ERBB4: variants seen among roughly 807,000 people sequenced by gnomAD.
ERBB4 encodes the protein erb-b2 receptor tyrosine kinase 4, also known as receptor tyrosine-protein kinase erbB-4.
ERBB4 carries 42 observed loss-of-function variants against 158.0 expected under a neutral mutation model. The ratio of observed to expected loss-of-function variants is 0.27; its 90% CI spans 0.21 to 0.34. The LOEUF (loss-of-function observed/expected upper bound fraction) is 0.34. Ranked by LOEUF, ERBB4 falls within the 10% of genes least tolerant of loss-of-function variation. The probability of loss-of-function intolerance (pLI) is 1.00; values close to 1 mark genes in which losing one functional copy is unlikely to be tolerated. For synonymous variants in ERBB4, 583 were observed against 558.7 expected, an observed-to-expected ratio of 1.04 and a Z score of -0.61; for missense variants, 1,333 against 1,624.1, an observed-to-expected ratio of 0.82 and a Z score of 3.08.
At chr2:212,305,438 T>C (rs542755433) in intron 1 of ERBB4, among the ~76,000 whole-genome samples, 62 of 151,436 alleles carry the variant, frequency 4.1e-4, no homozygotes, top group African/African-American at 1.4e-3. Context: ...GTCAAGATTG[T>C]ACAGAAAAAT....
chr2:211,777,977 A>C (rs1393159810), intron 4 of ERBB4: 4 of 152,298 alleles, frequency 2.6e-5, no homozygotes, highest in African/African-American at 9.6e-5. Context: ...GTTGAACGCA[A>C]ATAAACCACT....
chr2:212,278,715 T>C (rs1038621619), intron 1 of ERBB4, among the ~76,000 whole-genome samples: 5 of 151,638 alleles, frequency 3.3e-5, no homozygotes, highest in Non-Finnish European at 7.4e-5. Context: ...AGCTAGTATT[T>C]TAGAATGAAG....
chr2:212,507,281 C>T (rs956082648), intron 1 of ERBB4, among the ~76,000 whole-genome samples: 1 of 151,868 alleles, frequency 6.6e-6, no homozygotes, highest in Non-Finnish European at 1.5e-5. Context: ...AAAGAGTTCT[C>T]GTGGAGATCT....
chr2:212,001,707 G>A (rs1365575500), intron 2 of ERBB4, among the ~76,000 whole-genome samples: 3 of 152,166 alleles, frequency 2.0e-5, no homozygotes, highest in African/African-American at 7.2e-5. Flanking sequence ...ACTCCAAAGT[G>A]ATGGCAAGAA....
intron 24 of ERBB4, among the ~76,000 whole-genome samples, chr2:211,421,298 T>C (rs2063509516): frequency 6.6e-6 from 1 of 151,896 alleles, no homozygotes; most frequent in African/African-American, 2.4e-5. Context: ...TTTATCTTTA[T>C]GTCAGACTGT....
rs114549065 is a variant in ERBB4, at chr2:212,508,302, A to C, written c.82+30147T>G. ...GGTGGTCTGAAACTGAATCTGCAAT[A>C]TCTCTTAGGTATGCCTTCATATTAT... On this transcript the variant is annotated intron_variant, in intron 1 of 27. Transcript: ENST00000342788. Among the ~76,000 whole-genome samples the C allele has an allele frequency of 5.7e-3, 863 of 152,286 alleles. 4 individuals are homozygous for C. Among genetic ancestry groups the C allele is most frequent in the African/African-American group, 0.02 (819 of 41,548 alleles).
At chr2:212,351,181 A>T (rs1247533322) in intron 1 of ERBB4, among the ~76,000 whole-genome samples, 1 of 152,122 alleles carries the variant, frequency 6.6e-6, no homozygotes, top group Non-Finnish European at 1.5e-5. Context: ...GTGTCCTTAT[A>T]AGGAGAAGAA....
chr2:211,993,596 A>G (rs2082130250), intron 2 of ERBB4, among the ~76,000 whole-genome samples: 3 of 151,734 alleles, frequency 2.0e-5, no homozygotes, highest in South Asian at 4.2e-4. Flanking sequence ...TTCATCCTAG[A>G]TAAGATATAT....
At chr2:211,773,624 AT>A (rs1410311064) in intron 4 of ERBB4, among the ~76,000 whole-genome samples, 34 of 73,902 alleles carry the variant, frequency 4.6e-4, no homozygotes, top group African/African-American at 1.0e-3. Flanking sequence ...ATATATATAT[AT>A]ATATATATAT....
intron 6 of ERBB4, among the ~76,000 whole-genome samples, chr2:211,724,360 T>A (rs572772196): frequency 1.7e-3 from 257 of 151,550 alleles, no homozygotes; most frequent in African/African-American, 4.4e-3. Context: ...TTTTTTTTTT[T>A]TAAAAAAAGC....
At chr2:211,535,589 A>ATGTATGTGTGTGTG (rs1553561683) in intron 20 of ERBB4, 4 of 144,834 alleles carry the variant, frequency 2.8e-5, no homozygotes, top group African/African-American at 1.0e-4. Context: ...GAGAGAGTGT[A>ATGTATGTGTGTGTG]TGTGTGTGTG....
chr2:211,687,237 G>A (rs1197280851), intron 12 of ERBB4, among the ~76,000 whole-genome samples: 2 of 150,642 alleles, frequency 1.3e-5, no homozygotes, highest in Non-Finnish European at 3.0e-5. Context: ...CCCAGGAGGC[G>A]GAGCTTGCAG....
chr2:212,329,706 A>G (rs2088039694), intron 1 of ERBB4, among the ~76,000 whole-genome samples: 1 of 152,078 alleles, frequency 6.6e-6, no homozygotes, highest in Non-Finnish European at 1.5e-5. Context: ...TAAAACAGTG[A>G]TTTAACCTGT....
intron 19 of ERBB4, among the ~76,000 whole-genome samples, chr2:211,573,729 T>G (rs1161043721): frequency 6.6e-6 from 1 of 151,942 alleles, no homozygotes; most frequent in African/African-American, 2.4e-5. Context: ...TTTCAGAAGC[T>G]ACAGGAAACA....
chr2:211,960,491 A>T (rs191747583), intron 2 of ERBB4: 19 of 152,246 alleles, frequency 1.2e-4, no homozygotes, highest in Admixed American at 1.0e-3. Flanking sequence ...CTTTTCCTTT[A>T]TGAGTTGTAA....
chr2:211,817,309 A>C (rs1439249), intron 3 of ERBB4, among the ~76,000 whole-genome samples: 151,967 of 152,252 alleles, frequency 1, 75,846 homozygotes, highest in Middle Eastern at 1. Flanking sequence ...GGAAACCTTT[A>C]CATTTGGAGC....
chr2:212,227,074 C>T (rs10084370), intron 1 of ERBB4, among the ~76,000 whole-genome samples: 13,118 of 151,836 alleles, frequency 0.086, 1,744 homozygotes, highest in African/African-American at 0.29. Context: ...GGTGAAACCC[C>T]ATCTCTACTA....
rs2078973290 is a variant in ERBB4 at position 211,891,699 on chromosome 2, A to C, written c.421+55731T>G. 2.9e-5 allele frequency among the ~76,000 whole-genome samples: 4 copies of C among 135,812 alleles called. No individual in the cohort carries two copies. In the South Asian group the frequency reaches 9.4e-4, roughly 32 times the overall value. 89.1% of individuals were successfully genotyped at this position (135,812 alleles called of 152,430 possible). A position where few individuals can be genotyped will look rare whatever the true frequency, so the allele number is the denominator to read the frequency against. ...AAAAAAAGAGAGAAGAATCAAATAGACACAATAAAAAATGATAAACGGGAT... is the reference window on the plus strand; with the variant it reads ...AAAAAAAGAGAGAAGAATCAAATAGCCACAATAAAAAATGATAAACGGGAT... On this transcript the variant is annotated intron_variant, in intron 3 of 27. Coordinates refer to ENST00000342788, the MANE Select transcript of ERBB4 (RefSeq NM_005235.3).
At chr2:211,527,997 G>A (rs770996435) in intron 20 of ERBB4, among the ~76,000 whole-genome samples, 42 of 152,086 alleles carry the variant, frequency 2.8e-4, no homozygotes, top group Middle Eastern at 3.4e-3. Flanking sequence ...AAAATAGCAG[G>A]AGTAAGTCCT....
Sources: gnomAD v4.1 joint callset for allele counts (sites outside exome capture counted in the v4.1 genomes callset) on GRCh38, gnomAD v4.1.1 for gene constraint, MANE v1.5 for transcripts, NCBI Gene and HGNC (gene_info 2026-07-23, HGNC 2026-07-21) for gene names.